AFTPH: variants seen among roughly 807,000 people sequenced by gnomAD.
AFTPH encodes the protein aftiphilin protein.
In AFTPH, 7 loss-of-function variants were observed where a neutral mutation model predicts 72.5. The ratio of observed to expected loss-of-function variants is 0.10; its 90% CI spans 0.05 to 0.18. The LOEUF (loss-of-function observed/expected upper bound fraction) is 0.18, where lower values mean the gene tolerates loss of function less well. Among genes scored for constraint, AFTPH ranks in the 10% least tolerant of loss-of-function variants. The pLI, the probability that AFTPH is intolerant of heterozygous loss-of-function variation, is 1.00. For synonymous variants in AFTPH, 337 were observed against 370.1 expected, an observed-to-expected ratio of 0.91 and a Z score of 1.03; for missense variants, 979 against 1,060.5, an observed-to-expected ratio of 0.92 and a Z score of 1.07.
chr2:64,566,132 C>T (rs1672076039), intron 2 of AFTPH, among the ~76,000 whole-genome samples: 1 of 152,144 alleles, frequency 6.6e-6, no homozygotes, highest in Non-Finnish European at 1.5e-5. Flanking sequence ...TTATCTGATC[C>T]CTTTGAAAAT....
chr2:64,573,228 C>T (rs1672553273), intron 6 of AFTPH, among the ~76,000 whole-genome samples, 160 bp downstream of exon 6: 1 of 152,026 alleles, frequency 6.6e-6, no homozygotes, highest in Non-Finnish European at 1.5e-5. Flanking sequence ...CCTTGGAATA[C>T]AATGAACAAA....
At chr2:64,580,293 A>AAACACCTATCATTG (rs1673112115) in intron 7 of AFTPH, 1 of 152,646 alleles carries the variant, frequency 6.6e-6, no homozygotes, top group Non-Finnish European at 1.5e-5. Context: ...GCCATTGTCT[A>AAACACCTATCATTG]AACACCTATC....
intron 1 of AFTPH, among the ~76,000 whole-genome samples, chr2:64,546,920 G>C (rs1239508101): frequency 6.6e-6 from 1 of 152,016 alleles, no homozygotes; most frequent in East Asian, 1.9e-4. Context: ...GTGGTGGCAG[G>C]CCCCTGTAGT....
chr2:64,555,099 G>A lies in AFTPH; in HGVS notation c.1935+1690G>A, dbSNP rs561995104. ...TATGATTTTTGGATAGGTTACTTCT[G>A]AATTCAGCTGTATATACAAAGAAGG... On this transcript the variant is annotated intron_variant, in intron 2 of 8. Coordinates refer to ENST00000238856, the Ensembl canonical transcript of AFTPH. 6.6e-5 allele frequency among the ~76,000 whole-genome samples: 10 copies of A among 152,244 alleles called. No individual in the cohort carries two copies. In the East Asian group the frequency reaches 1.2e-3, roughly 18 times the overall value.
chr2:64,530,280 G>GT (rs778081519), intron 1 of AFTPH, among the ~76,000 whole-genome samples: 5 of 152,012 alleles, frequency 3.3e-5, no homozygotes, highest in East Asian at 3.9e-4. Flanking sequence ...GTGTTTTGTA[G>GT]TTTTTTTTGT....
At chr2:64,541,344 C>G (rs890190489) in intron 1 of AFTPH, among the ~76,000 whole-genome samples, 1 of 152,046 alleles carries the variant, frequency 6.6e-6, no homozygotes, top group Non-Finnish European at 1.5e-5. Flanking sequence ...TGTCTGATAT[C>G]TTGGGTTTTT....
At chr2:64,534,996 C>T (rs191282575) in intron 1 of AFTPH, among the ~76,000 whole-genome samples, 52 of 152,094 alleles carry the variant, frequency 3.4e-4, no homozygotes, top group African/African-American at 1.2e-3. Flanking sequence ...AGAGTATTGA[C>T]GATTTAATAT....
At position 64,552,115 on chromosome 2, in the gene AFTPH, C is replaced by G. The variant is rs762650171; in HGVS notation, c.641C>G (p.Thr214Ser). 4 of 1,613,978 alleles carry G rather than the reference C, an allele frequency of 2.5e-6. No individual in the cohort carries two copies. In the South Asian group the frequency reaches 4.4e-5, roughly 18 times the overall value. The change falls in exon 2 of 9, where the codon ACT becomes AGT. Residue 214 changes from threonine to serine, a missense_variant. Thr to Ser is a moderately conservative substitution (Grantham distance 58). Coordinates refer to ENST00000238856, the Ensembl canonical transcript of AFTPH. ...TCAAAGGGACGGAAGCCTCTTAGCA[C>G]TCATAGCACTGAGTATAATTTAGAC... is the stretch of plus-strand genomic sequence containing the variant.
intron 2 of AFTPH, among the ~76,000 whole-genome samples, chr2:64,554,710 T>C (rs1234163733): frequency 6.6e-6 from 1 of 152,196 alleles, no homozygotes; most frequent in Non-Finnish European, 1.5e-5. Flanking sequence ...ATTATTCCTA[T>C]TGAGCAGTTC....
exon 7 of AFTPH, chr2:64,579,501 G>A (rs760298221): frequency 3.1e-6 from 5 of 1,613,108 alleles, no homozygotes; most frequent in East Asian, 4.5e-5. Context: ...TCTACCACCC[G>A]TCCAGTTTGA....
chr2:64,583,612 G>A (rs1186133300), intron 7 of AFTPH, among the ~76,000 whole-genome samples: 1 of 152,066 alleles, frequency 6.6e-6, no homozygotes, highest in African/African-American at 2.4e-5. Context: ...TGTGGTTGCT[G>A]GAATCTAGCC....
At chr2:64,570,558 A>G (rs1672351562) in intron 5 of AFTPH, among the ~76,000 whole-genome samples, 1 of 152,098 alleles carries the variant, frequency 6.6e-6, no homozygotes, top group African/African-American at 2.4e-5. Context: ...TCCTTTGTAA[A>G]TGGTTATCGT....
chr2:64,580,893 A>G, intron 7 of AFTPH: 2 of 192,758 alleles, frequency 1.0e-5, no homozygotes. Context: ...TCTTTCTGGT[A>G]TGGCTTCCAG....
chr2:64,570,582 A>G (rs911296798), intron 5 of AFTPH, among the ~76,000 whole-genome samples: 1 of 152,190 alleles, frequency 6.6e-6, no homozygotes, highest in Non-Finnish European at 1.5e-5. Context: ...CTTTAAAAAC[A>G]TTTTGATGAT....
chr2:64,548,250 G>A (rs1394107870), intron 1 of AFTPH, among the ~76,000 whole-genome samples: 2 of 145,306 alleles, frequency 1.4e-5, no homozygotes, highest in Admixed American at 1.4e-4. Context: ...AAAATTAGCC[G>A]GGCGCGGTGG....
At chr2:64,565,291 C>G (rs925441747) in intron 2 of AFTPH, among the ~76,000 whole-genome samples, 5 of 151,796 alleles carry the variant, frequency 3.3e-5, no homozygotes, top group African/African-American at 1.2e-4. Flanking sequence ...TCCTGGCTAA[C>G]ATGGTGAAAC....
chr2:64,577,206 C>A (rs1672873622), intron 6 of AFTPH, among the ~76,000 whole-genome samples: 6 of 152,148 alleles, frequency 3.9e-5, no homozygotes, highest in Admixed American at 3.9e-4. Context: ...GTGCTTTTAT[C>A]TCTGCAGTAA....
chr2:64,544,462 A>G (rs1271408291), intron 1 of AFTPH, among the ~76,000 whole-genome samples: 2 of 152,214 alleles, frequency 1.3e-5, no homozygotes, highest in Admixed American at 6.5e-5. Flanking sequence ...TTATAAAGAA[A>G]TTAGATGACT....
chr2:64,586,890 A>AT (rs1468365653), intron 8 of AFTPH, among the ~76,000 whole-genome samples: 2 of 152,266 alleles, frequency 1.3e-5, no homozygotes, highest in Non-Finnish European at 2.9e-5. Context: ...GCTAACACAC[A>AT]TTTGACTTAA....
Sources: allele counts gnomAD v4.1 joint callset (sites outside exome capture counted in the v4.1 genomes callset), GRCh38; gene constraint gnomAD v4.1.1; transcripts MANE v1.5; gene names NCBI Gene and HGNC (gene_info 2026-07-23, HGNC 2026-07-21).